Variants in CADPS2 observed in about 807,000 individuals in gnomAD.
The protein encoded by CADPS2 is calcium-dependent secretion activator 2.
CADPS2 carries 93 observed loss-of-function variants against 172.5 expected under a neutral mutation model. The observed-to-expected ratio is 0.54, with a 90% CI of 0.46 to 0.64. The LOEUF (loss-of-function observed/expected upper bound fraction) is 0.64. CADPS2 is among the 30% of genes least tolerant of loss of function. The pLI is 0.00. For synonymous variants in CADPS2, 546 were observed against 555.2 expected (o/e 0.98, Z 0.23); for missense variants, 1,420 against 1,565.9 (o/e 0.91, Z 1.57).
At chr7:122,435,206 T>C (rs58205450) in intron 17 of CADPS2, among the ~76,000 whole-genome samples, 1 of 151,992 alleles carries the variant, frequency 6.6e-6, no homozygotes, top group African/African-American at 2.4e-5. Flanking sequence ...AACAACAAAA[T>C]TAAAAAGGCA....
chr7:122,422,819 C>A (rs1342449585), intron 17 of CADPS2, among the ~76,000 whole-genome samples: 2 of 150,030 alleles, frequency 1.3e-5, no homozygotes, highest in East Asian at 3.9e-4. Context: ...AATAGCCTGG[C>A]GTGGTGGCAC....
chr7:122,578,992 T>G (rs1312700924), intron 7 of CADPS2, among the ~76,000 whole-genome samples: 1 of 152,024 alleles, frequency 6.6e-6, no homozygotes, highest in African/African-American at 2.4e-5. Flanking sequence ...ATGGAAGGCT[T>G]TATGGGGATA....
chr7:122,656,660 A>G (rs1039458100), intron 3 of CADPS2, among the ~76,000 whole-genome samples: 4 of 152,146 alleles, frequency 2.6e-5, no homozygotes, highest in Admixed American at 6.5e-5. Context: ...TAGGATGACA[A>G]GAGTGGATTG....
At chr7:122,326,649 G>A (rs564727605) in intron 28 of CADPS2, among the ~76,000 whole-genome samples, 11 of 151,810 alleles carry the variant, frequency 7.2e-5, no homozygotes, top group Admixed American at 6.6e-4. Context: ...GTGTGCATAC[G>A]TTCTAAAGAA....
chr7:122,416,627 A>C (rs1020104243), intron 17 of CADPS2, among the ~76,000 whole-genome samples: 1 of 152,154 alleles, frequency 6.6e-6, no homozygotes, highest in Admixed American at 6.6e-5. Flanking sequence ...GTTGATCTTA[A>C]ATTCAAGAAG....
chr7:122,676,592 A>G (rs1044775743), intron 2 of CADPS2: 11 of 1,027,232 alleles, frequency 1.1e-5, no homozygotes, highest in African/African-American at 1.6e-5. Flanking sequence ...TTCACACAGC[A>G]TGACTACAGA....
At chr7:122,793,366 T>A (rs1795685025) in intron 1 of CADPS2, among the ~76,000 whole-genome samples, 3 of 152,162 alleles carry the variant, frequency 2.0e-5, no homozygotes. Flanking sequence ...AATTGAGCCC[T>A]GTAACAATTA....
At chr7:122,336,161 T>C (rs745368505) in intron 28 of CADPS2, among the ~76,000 whole-genome samples, 26 of 152,244 alleles carry the variant, frequency 1.7e-4, no homozygotes, top group African/African-American at 5.8e-4. Context: ...TCACATGTAA[T>C]GATAGTTCTG....
At chr7:122,582,853 T>C (rs2069035629) in intron 6 of CADPS2, among the ~76,000 whole-genome samples, 1 of 152,044 alleles carries the variant, frequency 6.6e-6, no homozygotes, top group Non-Finnish European at 1.5e-5. Flanking sequence ...AGAATTTGCT[T>C]TTTAAAATCC....
chr7:122,431,279 G>A (rs569707964), intron 17 of CADPS2, among the ~76,000 whole-genome samples: 34 of 152,244 alleles, frequency 2.2e-4, no homozygotes, highest in African/African-American at 7.9e-4. Flanking sequence ...ACATCTCTTG[G>A]CACTGTGGAT....
At chr7:122,429,862 T>C (rs1408448106) in intron 17 of CADPS2, among the ~76,000 whole-genome samples, 1 of 151,164 alleles carries the variant, frequency 6.6e-6, no homozygotes, top group East Asian at 1.9e-4. Flanking sequence ...TTAACAAAAA[T>C]TTGCCACAAA....
chr7:122,379,780 T>C (rs1488633465), intron 24 of CADPS2, among the ~76,000 whole-genome samples: 1 of 152,156 alleles, frequency 6.6e-6, no homozygotes, highest in Non-Finnish European at 1.5e-5. Flanking sequence ...TCTAAAGGGT[T>C]GGTTTAGCTG....
chr7:122,830,723 C>A (rs2140576501), intron 1 of CADPS2, among the ~76,000 whole-genome samples: 1 of 152,248 alleles, frequency 6.6e-6, no homozygotes, highest in East Asian at 1.9e-4. Context: ...AATCTGTGGA[C>A]TGCAAAATTA....
intron 1 of CADPS2, among the ~76,000 whole-genome samples, chr7:122,791,035 A>G (rs977485346): frequency 6.6e-6 from 1 of 152,232 alleles, no homozygotes; most frequent in Admixed American, 6.5e-5. Context: ...GCACAGGCAC[A>G]TCAATTCCCC....
intron 1 of CADPS2, among the ~76,000 whole-genome samples, chr7:122,764,857 T>G (rs1346979683): frequency 6.6e-6 from 1 of 152,160 alleles, no homozygotes; most frequent in Non-Finnish European, 1.5e-5. Context: ...CCGAGCCATT[T>G]CAACTTTCTA....
chr7:122,684,131 A>G (rs2083371081), intron 2 of CADPS2, among the ~76,000 whole-genome samples: 2 of 152,156 alleles, frequency 1.3e-5, no homozygotes, highest in South Asian at 4.1e-4. Flanking sequence ...GTTTTTGTTT[A>G]GAAGTTTGGT....
chr7:122,511,972 C>T (rs2130806708), intron 9 of CADPS2, among the ~76,000 whole-genome samples: 1 of 152,082 alleles, frequency 6.6e-6, no homozygotes, highest in African/African-American at 2.4e-5. Context: ...TAACCTTTTT[C>T]AAAGCAAATG....
chr7:122,634,773 T>C (rs1447109743), intron 3 of CADPS2, among the ~76,000 whole-genome samples: 8 of 152,196 alleles, frequency 5.3e-5, no homozygotes, highest in African/African-American at 1.9e-4. Context: ...TCCTAACTCC[T>C]TGATGAAGGT....
chr7:122,388,319 A>C (rs2043937303), intron 23 of CADPS2, among the ~76,000 whole-genome samples: 1 of 152,074 alleles, frequency 6.6e-6, no homozygotes, highest in South Asian at 2.1e-4. Context: ...GAGAGATAAC[A>C]ATAAGCCCTA....
Sources: allele counts gnomAD v4.1 joint callset (sites outside exome capture counted in the v4.1 genomes callset), GRCh38; gene constraint gnomAD v4.1.1; transcripts MANE v1.5; gene names NCBI Gene and HGNC (gene_info 2026-07-23, HGNC 2026-07-21).